ZSCAN5A: variants seen among roughly 807,000 people sequenced by gnomAD.
The protein encoded by ZSCAN5A is zinc finger and SCAN domain-containing protein 5A.
Under a neutral mutation model 23.7 loss-of-function variants are expected in ZSCAN5A, and 12 were observed. The ratio of observed to expected loss-of-function variants is 0.51; its 90% confidence interval spans 0.32 to 0.82. The LOEUF (loss-of-function observed/expected upper bound fraction) is 0.82, where lower values mean the gene tolerates loss of function less well. Among genes scored for constraint, ZSCAN5A ranks in the 40% least tolerant of loss-of-function variants. The pLI is 0.03. For synonymous variants in ZSCAN5A, 257 were observed against 239.9 expected, an observed-to-expected ratio of 1.07 and a Z score of -0.66; for missense variants, 597 against 617.9, an observed-to-expected ratio of 0.97 and a Z score of 0.36.
chr19:56,290,891 G>A (rs1308758316), intron 2 of ZSCAN5A, among the ~76,000 whole-genome samples: 2 of 152,092 alleles, frequency 1.3e-5, no homozygotes, highest in Non-Finnish European at 2.9e-5. Context: ...AAGTTTTCAG[G>A]TGCTGGGAAG....
chr19:56,263,707 A>T (rs2037273933), intron 2 of ZSCAN5A: 1 of 152,210 alleles, frequency 6.6e-6, no homozygotes, highest in Non-Finnish European at 1.5e-5. Context: ...GCGAGAGAGG[A>T]GAGAATTATG....
intron 2 of ZSCAN5A, among the ~76,000 whole-genome samples, chr19:56,239,633 A>G (rs934508448): frequency 6.6e-6 from 1 of 152,180 alleles, no homozygotes; most frequent in Non-Finnish European, 1.5e-5. Flanking sequence ...GTTCAAGCAA[A>G]GCTTTTCCAT....
At chr19:56,251,862 C>A (rs75263862) in intron 2 of ZSCAN5A, among the ~76,000 whole-genome samples, 1 of 152,108 alleles carries the variant, frequency 6.6e-6, no homozygotes, top group South Asian at 2.1e-4. Flanking sequence ...CACACCTGGG[C>A]AAGAATTGTT....
intron 2 of ZSCAN5A, among the ~76,000 whole-genome samples, chr19:56,281,910 A>T (rs1049345946): frequency 2.0e-5 from 3 of 152,222 alleles, no homozygotes; most frequent in Non-Finnish European, 4.4e-5. Flanking sequence ...TGAGGAGGCC[A>T]ACAAGCCTCT....
intron 2 of ZSCAN5A, among the ~76,000 whole-genome samples, chr19:56,275,145 A>T (rs934283615): frequency 1.3e-5 from 2 of 152,146 alleles, no homozygotes; most frequent in Non-Finnish European, 2.9e-5. Flanking sequence ...AGGTTTCTCC[A>T]CTGTTAAGTT....
At chr19:56,272,625 A>G (rs1395782532) in intron 2 of ZSCAN5A, 1 of 152,226 alleles carries the variant, frequency 6.6e-6, no homozygotes, top group Non-Finnish European at 1.5e-5. Context: ...ACTGTTCTAA[A>G]ATGTTGCTTT....
chr19:56,270,321 G>A (rs1049559816), intron 2 of ZSCAN5A, among the ~76,000 whole-genome samples: 2 of 152,266 alleles, frequency 1.3e-5, no homozygotes, highest in African/African-American at 4.8e-5. Context: ...AGGAGGCTGA[G>A]GCAGGAGAAT....
At chr19:56,359,509 G>C (rs77155902) in intron 2 of ZSCAN5A, among the ~76,000 whole-genome samples, 1 of 152,198 alleles carries the variant, frequency 6.6e-6, no homozygotes, top group African/African-American at 2.4e-5. Flanking sequence ...GCAAAGAGGA[G>C]CTGGTACATT....
At chr19:56,245,618 G>A (rs993531402) in intron 2 of ZSCAN5A, among the ~76,000 whole-genome samples, 2 of 152,198 alleles carry the variant, frequency 1.3e-5, no homozygotes, top group African/African-American at 2.4e-5. Flanking sequence ...TCTCCACCAT[G>A]AGAGCTTTTA....
intron 1 of ZSCAN5A, among the ~76,000 whole-genome samples, chr19:56,364,073 A>T (rs1479124297): frequency 1.3e-5 from 2 of 152,258 alleles, no homozygotes; most frequent in African/African-American, 4.8e-5. Flanking sequence ...AGACCTCTGC[A>T]GCAACCCCTC....
At chr19:56,264,037 T>C (rs1250622298) in intron 2 of ZSCAN5A, among the ~76,000 whole-genome samples, 1 of 151,646 alleles carries the variant, frequency 6.6e-6, no homozygotes, top group African/African-American at 2.4e-5. Context: ...TGGCATGATC[T>C]TGGCTCACTG....
chr19:56,300,859 A>C (rs2040178323), intron 2 of ZSCAN5A, among the ~76,000 whole-genome samples: 2 of 152,216 alleles, frequency 1.3e-5, no homozygotes, highest in South Asian at 4.1e-4. Flanking sequence ...GACAAGGGAA[A>C]AATGTTACAC....
intron 2 of ZSCAN5A, among the ~76,000 whole-genome samples, chr19:56,250,671 G>GTT (rs970359776): frequency 1.3e-5 from 2 of 152,032 alleles, no homozygotes; most frequent in Non-Finnish European, 2.9e-5. Flanking sequence ...AATCCTTCTG[G>GTT]TTTCTTACCC....
At chr19:56,222,501 A>T in intron 5 of ZSCAN5A, 90 bp downstream of exon 5, 1 of 1,559,338 alleles carries the variant, frequency 6.4e-7, no homozygotes, top group East Asian at 2.2e-5. Context: ...CTGAGTGCCA[A>T]CTCCCCCAGG....
chr19:56,320,280 G>A, intron 2 of ZSCAN5A: 1 of 448,786 alleles, frequency 2.2e-6, no homozygotes, highest in Non-Finnish European at 4.3e-6. Flanking sequence ...ATTTAGAAAG[G>A]CCAGGCGAGG....
intron 2 of ZSCAN5A, chr19:56,348,174 G>C (rs2041646500): frequency 6.6e-6 from 1 of 152,180 alleles, no homozygotes; most frequent in Admixed American, 6.5e-5. Flanking sequence ...CAGGAGCTCT[G>C]GATGATTCTG....
upstream of ZSCAN5A, among the ~76,000 whole-genome samples, chr19:56,319,585 C>T (rs375442084): frequency 1.8e-4 from 27 of 149,696 alleles, no homozygotes; most frequent in East Asian, 3.8e-3. Flanking sequence ...CATTTCCAAA[C>T]GAGTCTCTGG....
At chr19:56,250,671 GT>G (rs970359776) in intron 2 of ZSCAN5A, among the ~76,000 whole-genome samples, 1 of 152,032 alleles carries the variant, frequency 6.6e-6, no homozygotes, top group African/African-American at 2.4e-5. Context: ...AATCCTTCTG[GT>G]TTCTTACCCA....
At chr19:56,276,123 A>C (rs2038230270) in intron 2 of ZSCAN5A, among the ~76,000 whole-genome samples, 1 of 152,192 alleles carries the variant, frequency 6.6e-6, no homozygotes, top group African/African-American at 2.4e-5. Context: ...AGAACCGTGG[A>C]ACCCCCAAGT....
Sources: gnomAD v4.1 joint callset for allele counts (sites outside exome capture counted in the v4.1 genomes callset) on GRCh38, gnomAD v4.1.1 for gene constraint, MANE v1.5 for transcripts, NCBI Gene and HGNC (gene_info 2026-07-23, HGNC 2026-07-21) for gene names.